Variants in PLEKHS1 observed in about 807,000 individuals in gnomAD.
PLEKHS1 encodes the protein pleckstrin homology domain containing S1.
Under a neutral mutation model 51.0 loss-of-function variants are expected in PLEKHS1, and 55 were observed. The observed-to-expected ratio is 1.08, with a 90% CI of 0.87 to 1.35. The LOEUF (loss-of-function observed/expected upper bound fraction) is 1.35, where lower values mean the gene tolerates loss of function less well. Ranked by LOEUF, PLEKHS1 falls within the 40% of genes most tolerant of loss-of-function variation. PLEKHS1 has a pLI of 0.00. For synonymous variants in PLEKHS1, 153 were observed against 144.8 expected, an observed-to-expected ratio of 1.06 and a Z score of -0.41; for missense variants, 398 against 423.0, an observed-to-expected ratio of 0.94 and a Z score of 0.52.
chr10:113,775,078 G>A, intron 10 of PLEKHS1, 43 bp downstream of exon 10: 1 of 1,523,290 alleles, frequency 6.6e-7, no homozygotes, highest in Non-Finnish European at 9.0e-7. Flanking sequence ...CTAAGAGCAA[G>A]GCAGCCTCCC....
At chr10:113,760,006 C>G (rs1843848246) in intron 2 of PLEKHS1, among the ~76,000 whole-genome samples, 1 of 148,298 alleles carries the variant, frequency 6.7e-6, no homozygotes, top group South Asian at 2.3e-4. Flanking sequence ...TTTCTTGGTC[C>G]CCTGCCTCCC....
downstream of PLEKHS1, chr10:113,782,952 C>G (rs1475076300): frequency 2.0e-5 from 3 of 152,040 alleles, no homozygotes; most frequent in African/African-American, 7.2e-5. Context: ...AATAAAAAAT[C>G]AGGCTGGACG....
At chr10:113,755,334 G>C in intron 2 of PLEKHS1, 29 bp downstream of exon 2, 1 of 1,598,118 alleles carries the variant, frequency 6.3e-7, no homozygotes, top group Non-Finnish European at 8.5e-7. Flanking sequence ...CGCAGAAGCA[G>C]AAATCTTTTT....
At chr10:113,766,102 C>T (rs74656919) in intron 2 of PLEKHS1, among the ~76,000 whole-genome samples, 3,083 of 152,328 alleles carry the variant, frequency 0.02, 93 homozygotes, top group African/African-American at 0.069. Flanking sequence ...TATCATGCTT[C>T]TGCAATGGAA....
At chr10:113,774,125 T>C (rs1357572428) in intron 8 of PLEKHS1, 102 bp from the exon 9 acceptor site, 7 of 679,362 alleles carry the variant, frequency 1.0e-5, no homozygotes, top group Non-Finnish European at 1.8e-5. Context: ...CACTGGAAAC[T>C]GTACCTCTAT....
intron 9 of PLEKHS1, among the ~76,000 whole-genome samples, 165 bp downstream of exon 9, chr10:113,774,498 T>C (rs573470708): frequency 6.6e-6 from 1 of 152,340 alleles, no homozygotes; most frequent in East Asian, 1.9e-4. Flanking sequence ...GAGGGAGTCA[T>C]GTCTCTTCCC....
At chr10:113,770,875 T>C (rs73361842) in intron 7 of PLEKHS1, among the ~76,000 whole-genome samples, 2,335 of 152,306 alleles carry the variant, frequency 0.015, 57 homozygotes, top group African/African-American at 0.053. Context: ...ACAGTACTGT[T>C]TGCCTTGCTG....
intron 2 of PLEKHS1, among the ~76,000 whole-genome samples, chr10:113,757,924 C>G (rs7076743): frequency 0.18 from 28,081 of 152,184 alleles, 2,722 homozygotes; most frequent in East Asian, 0.29. Flanking sequence ...CCGTAAGAAG[C>G]AGCTCCTCAT....
intron 5 of PLEKHS1, among the ~76,000 whole-genome samples, chr10:113,768,053 T>A (rs145844361): frequency 2.4e-3 from 358 of 152,224 alleles, no homozygotes; most frequent in African/African-American, 8.2e-3. Context: ...AACATACAAA[T>A]TCATTGTATT....
intron 2 of PLEKHS1, among the ~76,000 whole-genome samples, chr10:113,765,955 G>A (rs557199872): frequency 1.3e-5 from 2 of 152,298 alleles, no homozygotes; most frequent in East Asian, 1.9e-4. Flanking sequence ...TGGGGAGGTG[G>A]CTGTGTTTAC....
At chr10:113,781,746 CCCCAACACCTCCTT>C (rs1369203802) in exon 12 of PLEKHS1, 3 of 110,322 alleles carry the variant, frequency 2.7e-5, no homozygotes, top group Non-Finnish European at 4.2e-5. Flanking sequence ...ACACCTCCTT[CCCCAACACCTCCTT>C]CCCAACACCT....
chr10:113,765,001 A>T lies in PLEKHS1; in HGVS notation c.29-1410A>T, dbSNP rs4301744. On this transcript the variant is annotated intron_variant, in intron 2 of 11. Transcript: ENST00000361048. ...AAAATATAGTGATAATAACTGCTTT[A>T]ATTACTTTCTCTGCCAATTCTAACA... 3.2e-3 allele frequency: 550 copies of T among 173,820 alleles called. 6 individuals carry two copies. Among genetic ancestry groups the T allele is most frequent in the African/African-American group, 0.013 (533 of 42,414 alleles). The allele number at this position is 173,820 out of a possible 1,614,324, so 10.8% of individuals were successfully genotyped here.
intron 1 of PLEKHS1, among the ~76,000 whole-genome samples, chr10:113,753,800 T>C (rs1444696344): frequency 2.6e-5 from 4 of 152,032 alleles, no homozygotes; most frequent in Non-Finnish European, 5.9e-5. Context: ...CATATATATA[T>C]ATATTTGTAT....
intron 2 of PLEKHS1, among the ~76,000 whole-genome samples, chr10:113,756,962 G>T (rs1012292936): frequency 6.8e-6 from 1 of 147,474 alleles, no homozygotes; most frequent in African/African-American, 2.5e-5. Context: ...TGTCGCTCAG[G>T]CTGGAGTGCA....
At chr10:113,767,626 A>G in intron 5 of PLEKHS1, 147 bp downstream of exon 5, 1 of 879,764 alleles carries the variant, frequency 1.1e-6, no homozygotes, top group Non-Finnish European at 1.6e-6. Context: ...ATTTTTAAAA[A>G]TATCTTGAAA....
chr10:113,753,724 C>T (rs1853960289), intron 1 of PLEKHS1, among the ~76,000 whole-genome samples: 1 of 152,142 alleles, frequency 6.6e-6, no homozygotes, highest in Non-Finnish European at 1.5e-5. Context: ...CTTCCAAATG[C>T]TCTGACAAAC....
At chr10:113,778,834 A>G (rs7092562) in intron 11 of PLEKHS1, among the ~76,000 whole-genome samples, 106,482 of 151,728 alleles carry the variant, frequency 0.7, 38,398 homozygotes, top group Non-Finnish European at 0.78. Flanking sequence ...TAGTAGAAAC[A>G]GGGTTTCACC....
chr10:113,779,268 C>A (rs989777307), intron 11 of PLEKHS1, among the ~76,000 whole-genome samples: 6 of 152,124 alleles, frequency 3.9e-5, no homozygotes, highest in African/African-American at 1.4e-4. Context: ...AGTACATTTT[C>A]TCTGCCAAAG....
chr10:113,782,536 G>A (rs988493468), downstream of PLEKHS1: 24 of 152,212 alleles, frequency 1.6e-4, no homozygotes, highest in African/African-American at 4.6e-4. Context: ...AGGTCGTGGG[G>A]GTGGAGTTCT....
Sources: allele counts gnomAD v4.1 joint callset (sites outside exome capture counted in the v4.1 genomes callset), GRCh38; gene constraint gnomAD v4.1.1; transcripts MANE v1.5; gene names NCBI Gene and HGNC (gene_info 2026-07-23, HGNC 2026-07-21).